The following ZNF440 variants were observed in gnomAD, a reference collection of about 807,000 sequenced individuals.
The protein encoded by ZNF440 is zinc finger protein 440.
A neutral mutation model predicts 49.7 loss-of-function variants in ZNF440; 47 were observed. The observed-to-expected ratio is 0.95, with a 90% CI of 0.75 to 1.21. The LOEUF (loss-of-function observed/expected upper bound fraction) is 1.21. ZNF440 is among the 50% of genes most tolerant of loss of function. The probability of loss-of-function intolerance (pLI) is 0.00; values close to 1 mark genes in which losing one functional copy is unlikely to be tolerated. For missense variants in ZNF440, 703 were observed against 715.0 expected (o/e 0.98, Z 0.19); for synonymous variants, 255 against 237.7 (o/e 1.07, Z -0.67).
chr19:11,817,837 G>A lies in ZNF440; in HGVS notation c.3+3387G>A, dbSNP rs1043012026. On this transcript the variant is annotated intron_variant, in intron 1 of 3. Coordinates refer to ENST00000304060, the MANE Select transcript of ZNF440 (RefSeq NM_152357.3). ...GCCTACGTGCATGTGGGCTGACAGC[G>A]TCACAAAATTTATTACTCTGTTGAT... Among the ~76,000 whole-genome samples the A allele has an allele frequency of 5.3e-5, 8 of 152,284 alleles. No individual in the cohort carries two copies. In the East Asian group the frequency reaches 1.2e-3, roughly 22 times the overall value.
chr19:11,818,954 A>G (rs1975765469), intron 1 of ZNF440, among the ~76,000 whole-genome samples: 1 of 152,126 alleles, frequency 6.6e-6, no homozygotes, highest in African/African-American at 2.4e-5. Flanking sequence ...AGACAGTGTG[A>G]TAGCCATGAA....
chr19:11,820,184 G>A (rs1975781370), intron 1 of ZNF440, among the ~76,000 whole-genome samples: 1 of 152,140 alleles, frequency 6.6e-6, no homozygotes, highest in Admixed American at 6.5e-5. Context: ...AAACTTTACA[G>A]GGTGATGTGT....
At chr19:11,819,354 T>A (rs1246180982) in intron 1 of ZNF440, among the ~76,000 whole-genome samples, 1 of 152,102 alleles carries the variant, frequency 6.6e-6, no homozygotes, top group Non-Finnish European at 1.5e-5. Flanking sequence ...TGCTTAAAGA[T>A]AATTTAGAGA....
At position 11,831,688 on chromosome 19, in the gene ZNF440, C is replaced by T. The variant is rs757987981; in HGVS notation, c.512C>T (p.Pro171Leu). 6.2e-7 allele frequency: 1 copy of T among 1,614,122 alleles called. No homozygotes were observed. The highest frequency in any genetic ancestry group is 8.5e-7 in the Non-Finnish European group (1 of 1,180,010). Residue 171 changes from proline to leucine, a missense_variant, in exon 4 of 4, where the codon CCC becomes CTC. Transcript: ENST00000304060. ...GAAAGGGATCACACTGGAGAGAAAC[C>T]CAATGCTTGTAAAGTATGTGGAAAA... Reference protein sequence around the residue: ...TQERDHTGEKPNACKVCGKTF... With the variant: ...TQERDHTGEKLNACKVCGKTF...
rs1568243424 is a variant in ZNF440 at position 11,831,500 on chromosome 19, C to A, written c.324C>A (p.Ser108Arg). The A allele has an allele frequency of 2.5e-6, 4 of 1,613,968 alleles. No homozygotes were observed. The highest frequency in any genetic ancestry group is 1.7e-4 in the Middle Eastern group (1 of 6,060). Residue 108 changes from serine (S) to arginine (R), a missense_variant, in exon 4 of 4, where the codon AGC becomes AGA. Coordinates refer to ENST00000304060, the MANE Select transcript of ZNF440 (RefSeq NM_152357.3). ...KASPEVKSCE[S>R]FVCGEVGLGN... ...CTCCTGAAGTAAAATCATGTGAAAG[C>A]TTTGTGTGTGGAGAAGTTGGCCTAG...
rs567347828 is a variant in ZNF440 at position 11,828,430 on chromosome 19, C to T, written c.4-1853C>T. Among the ~76,000 whole-genome samples, 9 of 152,244 alleles carry T rather than the reference C, an allele frequency of 5.9e-5. No homozygotes were observed. In the East Asian group the frequency reaches 1.7e-3, roughly 29 times the overall value. On this transcript the variant is annotated intron_variant, in intron 1 of 3. Coordinates refer to ENST00000304060, the MANE Select transcript of ZNF440 (RefSeq NM_152357.3). ...AAACTGCTGACCTCAAGTGATCTTCCCACCTCAACCTCCCAAAGTGCTGGG... is the reference window on the plus strand; with the variant it reads ...AAACTGCTGACCTCAAGTGATCTTCTCACCTCAACCTCCCAAAGTGCTGGG...
In ZNF440 at chr19:11,832,603, A is replaced by G. The variant is rs746602012; in HGVS notation, c.1427A>G (p.His476Arg). 3.1e-6 allele frequency: 5 copies of G among 1,613,652 alleles called. No homozygotes were observed. The highest frequency in any genetic ancestry group is 1.1e-5 in the South Asian group (1 of 91,004). Residue 476 changes from histidine (H) to arginine (R), a missense_variant, in exon 4 of 4, where the codon CAT becomes CGT. Physicochemically the swap from His to Arg is conservative, Grantham distance 29. Transcript: ENST00000304060. Reference sequence around the variant, plus strand: ...TATTGTCCCAAATCATTTCAAAGACATGAAAAAACTCACACTGGAGAGAAA... The same window carrying G: ...TATTGTCCCAAATCATTTCAAAGACGTGAAAAAACTCACACTGGAGAGAAA... ...GFYCPKSFQR[H>R]EKTHTGEKLY...
chr19:11,816,000 C>A (rs1975728844), intron 1 of ZNF440: 1 of 152,290 alleles, frequency 6.6e-6, no homozygotes, highest in African/African-American at 2.4e-5. Flanking sequence ...TATTAGGAGC[C>A]GAATAGGAGA....
Position 11,831,796 on chromosome 19 carries a change from A to G in ZNF440, c.620A>G (p.Lys207Arg). The G allele has an allele frequency of 6.2e-7, 1 of 1,609,374 alleles. No individual in the cohort carries two copies. Among genetic ancestry groups the G allele is most frequent in the Non-Finnish European group, 8.5e-7 (1 of 1,176,478 alleles). Residue 207 changes from lysine (K) to arginine (R), a missense_variant, in exon 4 of 4, where the codon AAA (lysine) becomes AGA (arginine). Physicochemically the swap from Lys to Arg is conservative, Grantham distance 26. Coordinates refer to ENST00000304060, the MANE Select transcript of ZNF440 (RefSeq NM_152357.3). Reference protein sequence around the residue: ...DGPYKCKFCGKAFHCLRLYLI... With the variant: ...DGPYKCKFCGRAFHCLRLYLI... ...CCTTATAAATGTAAGTTTTGTGGGA[A>G]AGCATTCCATTGTCTCAGATTATAT...
At chr19:11,814,488 AG>A in intron 1 of ZNF440, 38 bp downstream of exon 1, 1 of 1,495,126 alleles carries the variant, frequency 6.7e-7, no homozygotes, top group Non-Finnish European at 8.9e-7. Flanking sequence ...CGACTGGGAG[AG>A]GGGCTGGAAT....
intron 1 of ZNF440, among the ~76,000 whole-genome samples, chr19:11,818,161 GCCATTGCACT>G (rs1490210995): frequency 2.0e-5 from 3 of 152,114 alleles, no homozygotes; most frequent in Admixed American, 6.6e-5. Flanking sequence ...CCGTGATTGT[GCCATTGCACT>G]CCAGCCTGGG....
At position 11,835,202 on chromosome 19, in the gene ZNF440, A is replaced by G. The variant is rs1295072080; in HGVS notation, c.*2238A>G. 1 of 151,732 alleles carries G rather than the reference A, an allele frequency of 6.6e-6. No individual in the cohort carries two copies. Among genetic ancestry groups the G allele is most frequent in the Non-Finnish European group, 1.5e-5 (1 of 68,040 alleles). The allele number at this position is 151,732 out of a possible 1,614,324, so 9.4% of individuals were successfully genotyped here. On this transcript the variant is annotated 3_prime_UTR_variant, in exon 4 of 4. Transcript: ENST00000304060. ...AACACAGTGAAACCCAGTCTCTACT[A>G]AAAAATACAAAAAATTAGTGAGGCG...
chr19:11,826,759 G>C (rs1003991145), intron 1 of ZNF440, among the ~76,000 whole-genome samples: 4 of 151,456 alleles, frequency 2.6e-5, no homozygotes, highest in Non-Finnish European at 4.4e-5. Flanking sequence ...TGCCTCCCGG[G>C]TTTAAGCGAT....
At chr19:11,814,494 T>TGGAATCGGCC (rs1464924915) in intron 1 of ZNF440, 44 bp downstream of exon 1, 5 of 1,480,818 alleles carry the variant, frequency 3.4e-6, no homozygotes, top group Non-Finnish European at 4.5e-6. Flanking sequence ...GGAGAGGGGC[T>TGGAATCGGCC]GGAATCGGCC....
At chr19:11,829,057 G>C (rs949701920) in intron 1 of ZNF440, among the ~76,000 whole-genome samples, 4 of 152,060 alleles carry the variant, frequency 2.6e-5, no homozygotes, top group Non-Finnish European at 5.9e-5. Context: ...TTTACATTCA[G>C]CCATCAATGG....
chr19:11,817,042 A>C (rs1197693744), intron 1 of ZNF440: 1 of 152,248 alleles, frequency 6.6e-6, no homozygotes, highest in African/African-American at 2.4e-5. Flanking sequence ...CAGTCACCTT[A>C]TTTGGACTTG....
chr19:11,833,821 C>T lies in ZNF440; in HGVS notation c.*857C>T. The stretch of plus-strand genomic sequence containing the variant: ...GGAAGGACTCACACTGGAGAAAAAC[C>T]CTATGAATGTAAGCAGTATGGGAAA... On this transcript the variant is annotated 3_prime_UTR_variant, in exon 4 of 4. Transcript: ENST00000304060. 5.3e-6 allele frequency: 4 copies of T among 754,812 alleles called. No homozygotes were observed. The highest frequency in any genetic ancestry group is 7.9e-6 in the Non-Finnish European group (4 of 507,578). The allele number at this position is 754,812 out of a possible 1,614,324, so 46.8% of individuals were successfully genotyped here.
rs1222004662 is a variant in ZNF440 at position 11,831,508 on chromosome 19, G to A, written c.332G>A (p.Cys111Tyr). 1 of 1,614,038 alleles carries A rather than the reference G, an allele frequency of 6.2e-7. No homozygotes were observed. Among genetic ancestry groups the A allele is most frequent in the Non-Finnish European group, 8.5e-7 (1 of 1,179,932 alleles). ...GTAAAATCATGTGAAAGCTTTGTGT[G>A]TGGAGAAGTTGGCCTAGGTAACTCA... is the stretch of plus-strand genomic sequence containing the variant. ...PEVKSCESFV[C>Y]GEVGLGNSSF... The change falls in exon 4 of 4, where the codon TGT becomes TAT. Residue 111 changes from cysteine to tyrosine, a missense_variant. Cys to Tyr is a radical substitution (Grantham distance 194). Transcript: ENST00000304060.
Position 11,833,699 on chromosome 19 carries a change from C to T in ZNF440, c.*735C>T. ...GGAAAGCCTTCATTTCTTCTAGTTC[C>T]CTTCAATATCATGAAAGGACTCACA... On this transcript the variant is annotated 3_prime_UTR_variant, in exon 4 of 4. Transcript: ENST00000304060. 1.7e-6 allele frequency: 1 copy of T among 589,302 alleles called. No homozygotes were observed. Among genetic ancestry groups the T allele is most frequent in the Non-Finnish European group, 2.8e-6 (1 of 361,434 alleles). 36.5% of individuals were successfully genotyped at this position (589,302 alleles called of 1,614,324 possible). A position where few individuals can be genotyped will look rare whatever the true frequency, so the allele number is the denominator to read the frequency against.
Sources: gnomAD v4.1 joint callset for allele counts (sites outside exome capture counted in the v4.1 genomes callset) on GRCh38, gnomAD v4.1.1 for gene constraint, MANE v1.5 for transcripts, NCBI Gene and HGNC (gene_info 2026-07-23, HGNC 2026-07-21) for gene names.